The following CFAP157 variants were observed in gnomAD, a reference collection of about 807,000 sequenced individuals.
CFAP157 encodes cilia and flagella associated protein 157, also known as cilia- and flagella-associated protein 157.
In CFAP157, 43 loss-of-function variants were observed where a neutral mutation model predicts 57.8. The ratio of observed to expected loss-of-function variants is 0.74; its 90% CI spans 0.58 to 0.96. The LOEUF is 0.96. Among genes scored for constraint, CFAP157 ranks in the 40% least tolerant of loss-of-function variants. CFAP157 has a pLI of 0.00. For synonymous variants in CFAP157, 267 were observed against 269.0 expected (o/e 0.99, Z 0.07); for missense variants, 606 against 655.3 (o/e 0.92, Z 0.82).
Position 127,713,092 on chromosome 9 carries a change from G to A in CFAP157, c.1377G>A (p.Pro459=), listed in dbSNP as rs78968934. ...PQLSDITPYQ[P]GDLGLVPRQV... is the part of the protein sequence containing the mutation. ...TCTCTGACATCACCCCCTACCAGCC[G>A]GGGGATCTAGGCCTGGTACCTCGCC... Residue 459 remains proline (P), a synonymous_variant, in exon 8 of 9, where the codon CCG becomes CCA. Coordinates refer to ENST00000373295, the MANE Select transcript of CFAP157 (RefSeq NM_001012502.3). 697 of 1,613,506 alleles carry A rather than the reference G, an allele frequency of 4.3e-4. 8 individuals are homozygous for A. In the East Asian group the frequency reaches 0.014, roughly 33 times the overall value.
In CFAP157 at chr9:127,709,763, C is replaced by A; in HGVS notation, c.433+70C>A. On this transcript the variant is annotated intron_variant, in intron 2 of 8. Coordinates refer to ENST00000373295, the MANE Select transcript of CFAP157 (RefSeq NM_001012502.3). This position sits in a 1 kb window ranked among gnomAD's most constrained non-coding sequence, Gnocchi z 4.7. ...CTCTATCACTGACCCTGTTTCTCAC[C>A]TGGGAAACAGGGATAATAGCCACAT... is the stretch of plus-strand genomic sequence containing the variant. 1 of 1,492,604 alleles carries A rather than the reference C, an allele frequency of 6.7e-7. No homozygotes were observed. 92.5% of individuals were successfully genotyped at this position (1,492,604 alleles called of 1,614,324 possible). A position where few individuals can be genotyped will look rare whatever the true frequency, so the allele number is the denominator to read the frequency against.
In CFAP157 at chr9:127,710,736, C is replaced by T. The variant is rs945454167; in HGVS notation, c.569C>T (p.Ser190Leu). 3.8e-6 allele frequency: 6 copies of T among 1,567,094 alleles called. No individual in the cohort carries two copies. The Admixed American group carries it at 5.7e-5, about 15-fold the overall frequency. ...TATGCATACAACCTGGAGAAGAAGT[C>T]GGTGCTGGACAAGGACAGGTGGGCA... ...RDYAYNLEKK[S>L]VLDKDRLRKE... Residue 190 changes from serine (S) to leucine (L), a missense_variant, in exon 3 of 9, where the codon TCG (serine) becomes TTG (leucine). Physicochemically the swap from Ser to Leu is moderately radical, Grantham distance 145. Coordinates refer to ENST00000373295, the MANE Select transcript of CFAP157 (RefSeq NM_001012502.3).
intron 8 of CFAP157, chr9:127,713,488 G>C: frequency 6.9e-6 from 2 of 291,552 alleles, no homozygotes; most frequent in East Asian, 7.4e-5. Context: ...TTCCAAGCCA[G>C]CATCTTTCTT....
At chr9:127,711,765 C>CAG in intron 4 of CFAP157, 55 bp from the exon 5 acceptor site, 1 of 1,531,252 alleles carries the variant, frequency 6.5e-7, no homozygotes, top group Non-Finnish European at 8.8e-7. Flanking sequence ...CTGGCTGTGT[C>CAG]TGCAGCTGGG....
rs544246682 is a variant in CFAP157, at chr9:127,714,923, C to T, written c.*1018C>T. ...AGTGCTCCCCTCTGGCCCCCGCGCC[C>T]CAACCCCCACCCCCTTGGCCCGCCC... On this transcript the variant is annotated 3_prime_UTR_variant, in exon 9 of 9. Coordinates refer to ENST00000373295, the MANE Select transcript of CFAP157 (RefSeq NM_001012502.3). The T allele has an allele frequency of 4.8e-6, 4 of 835,144 alleles. No homozygotes were observed. Among genetic ancestry groups the T allele is most frequent in the Admixed American group, 5.4e-5 (2 of 36,778 alleles). 51.7% of individuals were successfully genotyped at this position (835,144 alleles called of 1,614,324 possible).
At position 127,712,202 on chromosome 9, in the gene CFAP157, C is replaced by G. The variant is rs747864051; in HGVS notation, c.990C>G (p.Ser330Arg). 1.9e-6 allele frequency: 3 copies of G among 1,613,890 alleles called. No individual in the cohort carries two copies. The highest frequency in any genetic ancestry group is 2.5e-6 in the Non-Finnish European group (3 of 1,179,960). Reference sequence around the variant, plus strand: ...ACTCATCCCAGTTGGGGTCCAGGAGCCAGAGAGACCAGCTGAGCCTGCAGC... The same window carrying G: ...ACTCATCCCAGTTGGGGTCCAGGAGGCAGAGAGACCAGCTGAGCCTGCAGC... ...QLQVDNQALK[S>R]QRDQLSLQLE... Residue 330 changes from serine to arginine, a missense_variant, in exon 6 of 9, where the codon AGC becomes AGG. Transcript: ENST00000373295.
intron 5 of CFAP157, 118 bp from the exon 6 acceptor site, chr9:127,712,081 C>G: frequency 6.6e-7 from 1 of 1,507,874 alleles, no homozygotes; most frequent in South Asian, 1.3e-5. Flanking sequence ...CAGGCTGAGG[C>G]TTGGGGCGGG....
chr9:127,713,113 T>G lies in CFAP157; in HGVS notation c.1398T>G (p.Pro466=), dbSNP rs1842806687. 3.1e-6 allele frequency: 5 copies of G among 1,613,164 alleles called. No individual in the cohort carries two copies. The Admixed American group carries it at 8.4e-5, about 27-fold the overall frequency. ...AGCCGGGGGATCTAGGCCTGGTACCTCGCCAGGTCCACATCCCACCCAACC... is the reference window on the plus strand; with the variant it reads ...AGCCGGGGGATCTAGGCCTGGTACCGCGCCAGGTCCACATCCCACCCAACC... The part of the protein sequence containing the change: ...PYQPGDLGLV[P]RQVHIPPNPQ... The change falls in exon 8 of 9, where the codon CCT becomes CCG. Residue 466 remains proline, a synonymous_variant. Transcript: ENST00000373295.
Position 127,714,805 on chromosome 9 carries a change from TA to T in CFAP157, c.*903del. ...ACCACAACTAATCCCACTTCACATA[TA>T]AAGAAACTGAGGCCCCCCGAAGTAC... On this transcript the variant is annotated 3_prime_UTR_variant, in exon 9 of 9. Transcript: ENST00000373295. 8.7e-7 allele frequency: 1 copy of T among 1,144,966 alleles called. No individual in the cohort carries two copies. Among genetic ancestry groups the T allele is most frequent in the Non-Finnish European group, 1.3e-6 (1 of 784,992 alleles). 70.9% of individuals were successfully genotyped at this position (1,144,966 alleles called of 1,614,324 possible). A position where few individuals can be genotyped will look rare whatever the true frequency, so the allele number is the denominator to read the frequency against.
chr9:127,715,744 G>A lies in CFAP157; in HGVS notation c.*1839G>A, dbSNP rs1827354041. The A allele has an allele frequency of 6.5e-7, 1 of 1,534,814 alleles. No homozygotes were observed. Among genetic ancestry groups the A allele is most frequent in the Middle Eastern group, 1.7e-4 (1 of 5,968 alleles). ...CCACCGCCAACGTCCAATCCGGGCC[G>A]GGCTACGTGGCCGCCATGCTTCTGA... On this transcript the variant is annotated 3_prime_UTR_variant, in exon 9 of 9. Transcript: ENST00000373295. The surrounding 1 kb of genome is among the most constrained non-coding windows in gnomAD (Gnocchi z 5.8).
chr9:127,709,319 T>C lies in CFAP157; in HGVS notation c.162-103T>C. The C allele has an allele frequency of 8.1e-7, 1 of 1,239,466 alleles. No homozygotes were observed. The highest frequency in any genetic ancestry group is 1.1e-6 in the Non-Finnish European group (1 of 896,850). The allele number at this position is 1,239,466 out of a possible 1,614,324, so 76.8% of individuals were successfully genotyped here. On this transcript the variant is annotated intron_variant, in intron 1 of 8. Transcript: ENST00000373295. The surrounding 1 kb of genome is among the most constrained non-coding windows in gnomAD (Gnocchi z 4.7). ...GATTCTGATCACAAGGAAACTCAAATGCCCCTTTACGGGACAGGGAGTCCA... is the reference window on the plus strand; with the variant it reads ...GATTCTGATCACAAGGAAACTCAAACGCCCCTTTACGGGACAGGGAGTCCA...
chr9:127,715,764 T>G lies in CFAP157; in HGVS notation c.*1859T>G. ...GGGCCGGGCTACGTGGCCGCCATGC[T>G]TCTGAGGGGCGGAAGCGGCGAGGCG... is the stretch of plus-strand genomic sequence containing the variant. On this transcript the variant is annotated 3_prime_UTR_variant, in exon 9 of 9. Coordinates refer to ENST00000373295, the MANE Select transcript of CFAP157 (RefSeq NM_001012502.3). This position sits in a 1 kb window ranked among gnomAD's most constrained non-coding sequence, Gnocchi z 5.8. 1 of 1,510,348 alleles carries G rather than the reference T, an allele frequency of 6.6e-7. No individual in the cohort carries two copies. The highest frequency in any genetic ancestry group is 1.2e-5 in the South Asian group (1 of 81,190). 93.6% of individuals were successfully genotyped at this position (1,510,348 alleles called of 1,614,324 possible). A position where few individuals can be genotyped will look rare whatever the true frequency, so the allele number is the denominator to read the frequency against.
At position 127,714,657 on chromosome 9, in the gene CFAP157, T is replaced by C. The variant is rs1162610282; in HGVS notation, c.*752T>C. ...TCTCCCCAGGGGCTTGTCCAGCTCA[T>C]CATGCACCAGGTAGACTTCCTCGGC... On this transcript the variant is annotated 3_prime_UTR_variant, in exon 9 of 9. Transcript: ENST00000373295. 1 of 1,613,928 alleles carries C rather than the reference T, an allele frequency of 6.2e-7. No individual in the cohort carries two copies. Among genetic ancestry groups the C allele is most frequent in the Non-Finnish European group, 8.5e-7 (1 of 1,179,956 alleles).
In CFAP157 at chr9:127,714,276, G is replaced by A; in HGVS notation, c.*371G>A. On this transcript the variant is annotated 3_prime_UTR_variant, in exon 9 of 9. Transcript: ENST00000373295. ...CGCCCGATACCCACCCGCAGCCTTG[G>A]CATTGCCTGTGGGAGAGCCAGAGAG... The A allele has an allele frequency of 6.2e-7, 1 of 1,613,962 alleles. No homozygotes were observed. The highest frequency in any genetic ancestry group is 1.1e-5 in the South Asian group (1 of 91,074).
Position 127,715,222 on chromosome 9 carries a change from C to G in CFAP157, c.*1317C>G, listed in dbSNP as rs1157059604. On this transcript the variant is annotated 3_prime_UTR_variant, in exon 9 of 9. Transcript: ENST00000373295. This position sits in a 1 kb window ranked among gnomAD's most constrained non-coding sequence, Gnocchi z 5.8. Reference sequence around the variant, plus strand: ...GCGGGCGGCACCAGGGAAACTGAGGCCCAACAACTCTCGCCACCCCCGATC... The same window carrying G: ...GCGGGCGGCACCAGGGAAACTGAGGGCCAACAACTCTCGCCACCCCCGATC... The G allele has an allele frequency of 9.8e-6, 15 of 1,524,162 alleles. No homozygotes were observed. The highest frequency in any genetic ancestry group is 1.3e-5 in the Non-Finnish European group (15 of 1,137,942). The allele number at this position is 1,524,162 out of a possible 1,614,324, so 94.4% of individuals were successfully genotyped here. A position where few individuals can be genotyped will look rare whatever the true frequency, so the allele number is the denominator to read the frequency against.
Position 127,714,332 on chromosome 9 carries a change from AC to A in CFAP157, c.*431del. The A allele has an allele frequency of 1.2e-6, 2 of 1,613,938 alleles. No homozygotes were observed. Among genetic ancestry groups the A allele is most frequent in the East Asian group, 2.2e-5 (1 of 44,890 alleles). On this transcript the variant is annotated 3_prime_UTR_variant, in exon 9 of 9. Coordinates refer to ENST00000373295, the MANE Select transcript of CFAP157 (RefSeq NM_001012502.3). ...GGAAGCTTTGGCGAGGTGCTGGGGG[AC>A]CCCTGGCCCACCCGACCCAGTTGCA...
chr9:127,712,032 C>A, intron 5 of CFAP157, 82 bp downstream of exon 5: 3 of 1,528,006 alleles, frequency 2.0e-6, no homozygotes, highest in Non-Finnish European at 2.6e-6. Flanking sequence ...TCCCACGACC[C>A]AGGCCAGTGA....
rs1296418061 is a variant in CFAP157, at chr9:127,714,606, G to C, written c.*701G>C. On this transcript the variant is annotated 3_prime_UTR_variant, in exon 9 of 9. Coordinates refer to ENST00000373295, the MANE Select transcript of CFAP157 (RefSeq NM_001012502.3). ...CCTGACCATCTCAGGACCTCACCTGGCACTGCCCCCCAGCTTCAGAGCCAG... is the reference window on the plus strand; with the variant it reads ...CCTGACCATCTCAGGACCTCACCTGCCACTGCCCCCCAGCTTCAGAGCCAG... 6.8e-6 allele frequency: 11 copies of C among 1,613,514 alleles called. No individual in the cohort carries two copies. Among genetic ancestry groups the C allele is most frequent in the Non-Finnish European group, 9.3e-6 (11 of 1,179,628 alleles).
At position 127,715,467 on chromosome 9, in the gene CFAP157, A is replaced by C; in HGVS notation, c.*1562A>C. On this transcript the variant is annotated 3_prime_UTR_variant, in exon 9 of 9. Transcript: ENST00000373295. This position sits in a 1 kb window ranked among gnomAD's most constrained non-coding sequence, Gnocchi z 5.8. ...GAAAACAGAGCAGCAATTTGGGGGC[A>C]CTCGGCTCCCGGGACATAATGGCCG... 6.3e-7 allele frequency: 1 copy of C among 1,591,878 alleles called. No homozygotes were observed. The highest frequency in any genetic ancestry group is 8.6e-7 in the Non-Finnish European group (1 of 1,164,660).
Sources: gnomAD v4.1 joint callset for allele counts on GRCh38, gnomAD v4.1.1 for gene constraint, Gnocchi (gnomAD v3.1) non-coding constraint, MANE v1.5 for transcripts, NCBI Gene and HGNC (gene_info 2026-07-23, HGNC 2026-07-21) for gene names.